HECW1: variants seen among roughly 807,000 people sequenced by gnomAD.
HECW1 encodes HECT, C2 and WW domain containing E3 ubiquitin protein ligase 1.
Under a neutral mutation model 182.3 loss-of-function variants are expected in HECW1, and 61 were observed. The ratio of observed to expected loss-of-function variants is 0.33; its 90% CI spans 0.27 to 0.41. The LOEUF is 0.41. Among genes scored for constraint, HECW1 ranks in the 10% least tolerant of loss-of-function variants. The probability of loss-of-function intolerance (pLI) is 1.00; values close to 1 mark genes in which losing one functional copy is unlikely to be tolerated. For missense variants in HECW1, 1,739 were observed against 2,108.9 expected, an observed-to-expected ratio of 0.82 and a Z score of 3.44; for synonymous variants, 859 against 832.6, an observed-to-expected ratio of 1.03 and a Z score of -0.55.
At chr7:43,204,149 T>C (rs1454122660) in intron 2 of HECW1, among the ~76,000 whole-genome samples, 2 of 152,254 alleles carry the variant, frequency 1.3e-5, no homozygotes, top group African/African-American at 4.8e-5. Context: ...TATTTTTGCC[T>C]TCTTCAACAG....
chr7:43,207,259 CT>C (rs901625984), intron 2 of HECW1, among the ~76,000 whole-genome samples: 64 of 152,256 alleles, frequency 4.2e-4, no homozygotes, highest in African/African-American at 1.5e-3. Context: ...GTTGGCCAGG[CT>C]GGTCTCGAAT....
At chr7:43,281,203 A>G (rs940878860) in intron 3 of HECW1, among the ~76,000 whole-genome samples, 1 of 152,146 alleles carries the variant, frequency 6.6e-6, no homozygotes, top group Admixed American at 6.5e-5. Context: ...CTGTCACTGC[A>G]GGAAGCCCCA....
At chr7:43,495,308 T>A (rs2079078459) in intron 19 of HECW1, among the ~76,000 whole-genome samples, 1 of 152,124 alleles carries the variant, frequency 6.6e-6, no homozygotes, top group African/African-American at 2.4e-5. Context: ...TTCCGCTCCC[T>A]GTGTCCATGT....
rs911417050 is a variant in HECW1 at position 43,432,595 on chromosome 7, A to G, written c.802-5408A>G. ...GTAAGACTCTGAGGTCTAAAGTTGG[A>G]GGCTGTGGCCCCAGCACTCCAGCAC... is the stretch of plus-strand genomic sequence containing the variant. On this transcript the variant is annotated intron_variant, in intron 8 of 29. Coordinates refer to ENST00000395891, the MANE Select transcript of HECW1 (RefSeq NM_015052.5). The surrounding 1 kb of genome is among the most constrained non-coding windows in gnomAD (Gnocchi z 4.1). Among the ~76,000 whole-genome samples, 1 of 152,156 alleles carries G rather than the reference A, an allele frequency of 6.6e-6. No individual in the cohort carries two copies. Among genetic ancestry groups the G allele is most frequent in the East Asian group, 1.9e-4 (1 of 5,186 alleles).
rs2079727252 is a variant in HECW1 at position 43,508,965 on chromosome 7, G to A, written c.3867-4G>A. The A allele has an allele frequency of 1.2e-6, 2 of 1,612,840 alleles. No individual in the cohort carries two copies. The highest frequency in any genetic ancestry group is 2.7e-5 in the African/African-American group (2 of 74,982). ...AGCTTCCTGGACCTCTGCTTTCTTT[G>A]CAGCCTGGACTACAGTGGCCCCTCG... On this transcript the variant is annotated splice_region_variant and splice_polypyrimidine_tract_variant and intron_variant, in intron 23 of 29. Transcript: ENST00000395891.
intron 24 of HECW1, among the ~76,000 whole-genome samples, chr7:43,528,364 G>T (rs898185172): frequency 2.6e-5 from 4 of 152,102 alleles, no homozygotes; most frequent in African/African-American, 9.7e-5. Context: ...TTATGGGAAG[G>T]TTTATTTTCC....
At chr7:43,488,420 GAGAAAGAAAGAAAGAGAAAGAA>G (rs1222648713) in intron 17 of HECW1, among the ~76,000 whole-genome samples, 102 of 63,410 alleles carry the variant, frequency 1.6e-3, no homozygotes, top group African/African-American at 4.5e-3. Flanking sequence ...AAGAGAGAGA[GAGAAAGAAAGAAAGAGAAAGAA>G]AGAAAGAAAG....
intron 13 of HECW1, among the ~76,000 whole-genome samples, chr7:43,462,646 A>G (rs1330689939): frequency 1.3e-5 from 2 of 152,118 alleles, no homozygotes; most frequent in Non-Finnish European, 2.9e-5. Context: ...TGTGGCCTAG[A>G]GAATAACACC....
At chr7:43,392,015 G>A (rs184268616) in intron 6 of HECW1, among the ~76,000 whole-genome samples, 31 of 152,222 alleles carry the variant, frequency 2.0e-4, no homozygotes, top group Non-Finnish European at 3.1e-4. Context: ...AGTGGAACTC[G>A]TAATTCCCTA....
intron 6 of HECW1, among the ~76,000 whole-genome samples, chr7:43,366,548 G>T (rs1409405072): frequency 3.9e-5 from 6 of 152,222 alleles, no homozygotes; most frequent in Admixed American, 3.3e-4. Context: ...ACAGGTTGCC[G>T]ACTGATGGGA....
chr7:43,530,017 T>G (rs1466614708), intron 24 of HECW1, among the ~76,000 whole-genome samples: 2 of 151,818 alleles, frequency 1.3e-5, no homozygotes, highest in African/African-American at 4.8e-5. Flanking sequence ...TGGTGCAATC[T>G]CGGCTCACTG....
chr7:43,557,760 A>G (rs2082077824), intron 29 of HECW1, among the ~76,000 whole-genome samples: 1 of 152,246 alleles, frequency 6.6e-6, no homozygotes, highest in African/African-American at 2.4e-5. Flanking sequence ...AATGCCTTTT[A>G]TATCACAACT....
chr7:43,462,011 A>G (rs2077601699), intron 13 of HECW1, among the ~76,000 whole-genome samples: 1 of 152,238 alleles, frequency 6.6e-6, no homozygotes, highest in Non-Finnish European at 1.5e-5. Context: ...GCTCTTGCAA[A>G]TGGCTGGAGA....
chr7:43,275,424 G>T (rs1481696501), intron 3 of HECW1, among the ~76,000 whole-genome samples: 1 of 152,094 alleles, frequency 6.6e-6, no homozygotes, highest in Non-Finnish European at 1.5e-5. Context: ...TGCTTATCTT[G>T]GGGTGATGAC....
At chr7:43,339,048 C>A (rs1000732702) in intron 5 of HECW1, among the ~76,000 whole-genome samples, 1 of 152,080 alleles carries the variant, frequency 6.6e-6, no homozygotes, top group African/African-American at 2.4e-5. Context: ...TTTTGTCATT[C>A]CTTTGAAGGT....
intron 2 of HECW1, among the ~76,000 whole-genome samples, chr7:43,213,276 G>C (rs548031680): frequency 6.6e-6 from 1 of 151,878 alleles, no homozygotes; most frequent in South Asian, 2.1e-4. Context: ...TTATTGACTT[G>C]TAAATCATTA....
At chr7:43,153,244 G>A (rs1376487425) in intron 2 of HECW1, among the ~76,000 whole-genome samples, 1 of 151,938 alleles carries the variant, frequency 6.6e-6, no homozygotes, top group African/African-American at 2.4e-5. Context: ...ATTATTTCTT[G>A]AATTTTCTTG....
intron 8 of HECW1, among the ~76,000 whole-genome samples, chr7:43,418,446 C>T (rs570556859): frequency 1.3e-5 from 2 of 152,304 alleles, no homozygotes; most frequent in African/African-American, 4.8e-5. Context: ...TTAATTCTCT[C>T]CCCTTTTTCT....
intron 8 of HECW1, among the ~76,000 whole-genome samples, chr7:43,423,076 T>C (rs2076247477): frequency 6.6e-6 from 1 of 152,328 alleles, no homozygotes; most frequent in South Asian, 2.1e-4. Context: ...GATAATTTAA[T>C]CAGACATTAA....
Sources: gnomAD v4.1 joint callset for allele counts (sites outside exome capture counted in the v4.1 genomes callset) on GRCh38, gnomAD v4.1.1 for gene constraint, Gnocchi (gnomAD v3.1) non-coding constraint, MANE v1.5 for transcripts, NCBI Gene and HGNC (gene_info 2026-07-23, HGNC 2026-07-21) for gene names.